Variants in GLIS3 observed in about 807,000 individuals in gnomAD.
The protein encoded by GLIS3 is GLIS family zinc finger 3, also known as zinc finger protein GLIS3.
Under a neutral mutation model 78.6 loss-of-function variants are expected in GLIS3, and 53 were observed. The ratio of observed to expected loss-of-function variants is 0.67; its 90% confidence interval spans 0.54 to 0.85. The LOEUF (loss-of-function observed/expected upper bound fraction) is 0.85, where lower values mean the gene tolerates loss of function less well. Among genes scored for constraint, GLIS3 ranks in the 40% least tolerant of loss-of-function variants. GLIS3 has a pLI of 0.00. For missense variants in GLIS3, 1,703 were observed against 1,231.1 expected (o/e 1.38, Z -5.74); for synonymous variants, 684 against 509.9 (o/e 1.34, Z -4.60).
At chr9:4,461,469 T>C in the GLIS3 span, among the ~76,000 whole-genome samples, 1 of 152,200 alleles carries the variant, frequency 6.6e-6, no homozygotes, top group Non-Finnish European at 1.5e-5. Flanking sequence ...ATGGGATAGA[T>C]TTCTCACATT....
chr9:4,447,491 T>A, the GLIS3 span, among the ~76,000 whole-genome samples: 1 of 152,164 alleles, frequency 6.6e-6, no homozygotes, highest in Non-Finnish European at 1.5e-5. Context: ...CACAATGTCT[T>A]GCATGTCTTA....
intron 2 of GLIS3, among the ~76,000 whole-genome samples, chr9:4,207,817 C>A (rs1317060168): frequency 6.6e-6 from 1 of 152,200 alleles, no homozygotes; most frequent in Admixed American, 6.5e-5. Context: ...TTCCTCCAAA[C>A]AGGTATGAGG....
At chr9:4,435,873 C>T in the GLIS3 span, among the ~76,000 whole-genome samples, 2 of 152,142 alleles carry the variant, frequency 1.3e-5, no homozygotes, top group Admixed American at 1.3e-4. Flanking sequence ...GGCATAAACT[C>T]GGGAGGTGGA....
At chr9:4,369,884 A>C in the GLIS3 span, among the ~76,000 whole-genome samples, 3 of 152,190 alleles carry the variant, frequency 2.0e-5, no homozygotes, top group African/African-American at 7.2e-5. Context: ...GAATGGAGAG[A>C]TAGCAAAAGG....
chr9:3,850,942 G>C (rs1358543930), intron 9 of GLIS3, among the ~76,000 whole-genome samples: 1 of 152,118 alleles, frequency 6.6e-6, no homozygotes, highest in African/African-American at 2.4e-5. Flanking sequence ...ACCCTTCTTT[G>C]ACACCTTCTT....
rs183520042 is a variant in GLIS3 at position 3,989,375 on chromosome 9, G to C, written c.1711-52186C>G. On this transcript the variant is annotated intron_variant, in intron 4 of 10. Transcript: ENST00000381971. Reference sequence around the variant, plus strand: ...AATCATAAAATTACCATATGACCCAGTAATTGTAGTGGTGGATAATTATCC... The same window carrying C: ...AATCATAAAATTACCATATGACCCACTAATTGTAGTGGTGGATAATTATCC... Among the ~76,000 whole-genome samples, 282 of 152,292 alleles carry C rather than the reference G, an allele frequency of 1.9e-3. 1 individual carries two copies. Among genetic ancestry groups the C allele is most frequent in the Middle Eastern group, 6.8e-3 (2 of 294 alleles).
chr9:3,986,073 A>G (rs1458969274), intron 4 of GLIS3, among the ~76,000 whole-genome samples: 2 of 152,230 alleles, frequency 1.3e-5, no homozygotes, highest in Non-Finnish European at 2.9e-5. Flanking sequence ...CTTTAGTTAA[A>G]TTACAGAATA....
At chr9:3,921,839 TAATA>T (rs976477872) in intron 6 of GLIS3, among the ~76,000 whole-genome samples, 13 of 151,870 alleles carry the variant, frequency 8.6e-5, no homozygotes, top group African/African-American at 3.1e-4. Flanking sequence ...TATAAATGGT[TAATA>T]AATTTTGAAT....
At chr9:4,478,266 T>G in the GLIS3 span, among the ~76,000 whole-genome samples, 1 of 152,144 alleles carries the variant, frequency 6.6e-6, no homozygotes, top group Non-Finnish European at 1.5e-5. Context: ...TTGGAACACA[T>G]AAATCTATCC....
At chr9:4,289,137 C>T (rs532116398) in intron 1 of GLIS3, among the ~76,000 whole-genome samples, 1 of 152,078 alleles carries the variant, frequency 6.6e-6, no homozygotes, top group African/African-American at 2.4e-5. Context: ...CTCAAAAAGT[C>T]AAGATACCCA....
At chr9:4,239,435 G>A (rs759221727) in intron 2 of GLIS3, among the ~76,000 whole-genome samples, 2 of 151,536 alleles carry the variant, frequency 1.3e-5, no homozygotes, top group African/African-American at 4.9e-5. Context: ...TCCAATGAAC[G>A]AACCTAGATT....
chr9:4,287,466 A>G (rs7041847), intron 1 of GLIS3, among the ~76,000 whole-genome samples: 57,613 of 152,140 alleles, frequency 0.38, 13,055 homozygotes, highest in East Asian at 0.52. Flanking sequence ...CCCTTGACCA[A>G]TAGCTCCCCA....
intron 2 of GLIS3, among the ~76,000 whole-genome samples, chr9:4,204,152 G>C (rs1199276880): frequency 6.6e-6 from 1 of 152,142 alleles, no homozygotes; most frequent in Non-Finnish European, 1.5e-5. Context: ...ATGAATTTAA[G>C]CTGATGAAAG....
intron 4 of GLIS3, among the ~76,000 whole-genome samples, chr9:3,979,436 T>C (rs1161604802): frequency 6.6e-6 from 1 of 152,220 alleles, no homozygotes; most frequent in Admixed American, 6.5e-5. Flanking sequence ...TAGCACACGC[T>C]TCGAGCGAAG....
chr9:4,218,891 T>C (rs972680785), intron 2 of GLIS3, among the ~76,000 whole-genome samples: 2 of 152,228 alleles, frequency 1.3e-5, no homozygotes, highest in African/African-American at 4.8e-5. Context: ...CATGGCTTTA[T>C]CTTCCACAGA....
chr9:4,012,765 CTTTTTTTTTT>C (rs71324278), intron 4 of GLIS3, among the ~76,000 whole-genome samples: 4 of 66,500 alleles, frequency 6.0e-5, no homozygotes, highest in Admixed American at 2.2e-4. Flanking sequence ...TTTTCTTTTT[CTTTTTTTTTT>C]TTTTTTTTTT....
At chr9:4,305,059 A>C (rs1377222265), upstream of GLIS3, 1 of 152,156 alleles carries the variant, frequency 6.6e-6, no homozygotes, top group Non-Finnish European at 1.5e-5. Flanking sequence ...TTCTCACAAC[A>C]TCCGAATCAG....
intron 2 of GLIS3, among the ~76,000 whole-genome samples, chr9:4,319,686 C>T (rs922338441): frequency 7.2e-5 from 11 of 152,096 alleles, no homozygotes; most frequent in East Asian, 1.9e-4. Context: ...TTTGCCACCA[C>T]GCCTGGCTAA....
chr9:4,191,263 A>G (rs897171356), intron 2 of GLIS3, among the ~76,000 whole-genome samples: 1 of 152,170 alleles, frequency 6.6e-6, no homozygotes, highest in Non-Finnish European at 1.5e-5. Flanking sequence ...GTCAAGACCC[A>G]TCAGTGTGCT....
Sources: allele counts gnomAD v4.1 joint callset (sites outside exome capture counted in the v4.1 genomes callset), GRCh38; gene constraint gnomAD v4.1.1; transcripts MANE v1.5; gene names NCBI Gene and HGNC (gene_info 2026-07-23, HGNC 2026-07-21).